Variants in GPN1 observed in about 807,000 individuals in gnomAD.
GPN1 encodes the protein GPN-loop GTPase 1, also known as ATP(GTP)-binding protein.
Under a neutral mutation model 55.9 loss-of-function variants are expected in GPN1, and 44 were observed. The observed-to-expected ratio is 0.79, with a 90% CI of 0.62 to 1.01. The LOEUF (loss-of-function observed/expected upper bound fraction) is 1.01, where lower values mean the gene tolerates loss of function less well. Ranked by LOEUF, GPN1 falls within the 50% of genes least tolerant of loss-of-function variation. GPN1 has a pLI of 0.00. For missense variants in GPN1, 466 were observed against 462.8 expected (o/e 1.01, Z -0.06); for synonymous variants, 179 against 162.5 (o/e 1.10, Z -0.77).
intron 1 of GPN1, chr2:27,629,453 A>T: frequency 1.3e-6 from 2 of 1,506,388 alleles, no homozygotes. Flanking sequence ...GCAAGTTACA[A>T]GTAACTTTAA....
chr2:27,636,215 C>A (rs1361092836), intron 7 of GPN1, among the ~76,000 whole-genome samples: 4 of 151,914 alleles, frequency 2.6e-5, no homozygotes, highest in Non-Finnish European at 5.9e-5. Flanking sequence ...GACCCTGTCT[C>A]AAAAAAATAA....
intron 11 of GPN1, 96 bp downstream of exon 11, chr2:27,641,375 T>A: frequency 1.2e-6 from 1 of 843,122 alleles, no homozygotes; most frequent in Non-Finnish European, 1.9e-6. Context: ...GTTATTAATG[T>A]ATCTTTTATT....
chr2:27,629,361 C>T lies in GPN1; in HGVS notation c.111+192C>T, dbSNP rs1419720777. On this transcript the variant is annotated intron_variant, in intron 1 of 13. Coordinates refer to ENST00000610189, the MANE Select transcript of GPN1 (RefSeq NM_007266.4). ...TAGCCAGGTTAATTAAGGCTCTCTT[C>T]TGCGCACCTTCAGGGCATACTCGGT... 5 of 1,547,244 alleles carry T rather than the reference C, an allele frequency of 3.2e-6. No individual in the cohort carries two copies. The South Asian group carries it at 5.9e-5, about 18-fold the overall frequency.
intron 6 of GPN1, 94 bp from the exon 7 acceptor site, chr2:27,635,046 A>G: frequency 3.1e-6 from 3 of 968,296 alleles, no homozygotes; most frequent in South Asian, 1.3e-5. Flanking sequence ...CACCCTGCCT[A>G]AAGTGGTTTT....
intron 9 of GPN1, 49 bp from the exon 10 acceptor site, chr2:27,639,994 A>G: frequency 8.4e-7 from 1 of 1,193,892 alleles, no homozygotes; most frequent in Non-Finnish European, 1.2e-6. Context: ...TACTTCATTA[A>G]AAAATATACA....
At chr2:27,638,405 T>C (rs1301586438) in intron 8 of GPN1, 150 bp downstream of exon 8, 1 of 592,912 alleles carries the variant, frequency 1.7e-6, no homozygotes, top group Non-Finnish European at 3.0e-6. Context: ...AGAAAATGAA[T>C]CAATCAAATT....
intron 2 of GPN1, 123 bp from the exon 3 acceptor site, chr2:27,630,902 AGT>A (rs2148062789): frequency 2.9e-6 from 2 of 691,434 alleles, no homozygotes; most frequent in African/African-American, 1.8e-5. Flanking sequence ...GAAGGAAACC[AGT>A]GTGAAAGTGG....
chr2:27,629,387 C>T (rs1673440239), intron 1 of GPN1: 2 of 1,550,980 alleles, frequency 1.3e-6, no homozygotes, highest in African/African-American at 2.7e-5. Flanking sequence ...CATACTCGGT[C>T]CAGCTTACCA....
At chr2:27,628,626 C>A (rs1439934464), upstream of GPN1, 4 of 1,551,454 alleles carry the variant, frequency 2.6e-6, no homozygotes, top group Non-Finnish European at 3.5e-6. Context: ...CAGCCCTGAA[C>A]TGTTTAACCG....
intron 12 of GPN1, among the ~76,000 whole-genome samples, chr2:27,642,950 T>TACAC (rs1375069534): frequency 2.4e-4 from 9 of 37,584 alleles, no homozygotes; most frequent in Admixed American, 4.4e-4. Context: ...GTTTTATATA[T>TACAC]ATATATATAC....
Position 27,638,219 on chromosome 2 carries a change from C to A in GPN1, c.534C>A (p.Tyr178Ter). 2 of 1,564,082 alleles carry A rather than the reference C, an allele frequency of 1.3e-6. No homozygotes were observed. The highest frequency in any genetic ancestry group is 1.8e-6 in the Non-Finnish European group (2 of 1,134,658). ...SNMLYACSIL[Y>*]KTKLPFIVVM... is the part of the protein sequence containing the mutation. ...AATGTTTGGTTTTCAGCATCTTATA[C>A]AAAACCAAGCTGCCTTTCATTGTGG... Residue 178 changes from tyrosine to a stop codon, truncating the protein, a stop_gained, in exon 8 of 14, where the codon TAC becomes TAA. Coordinates refer to ENST00000610189, the MANE Select transcript of GPN1 (RefSeq NM_007266.4). LOFTEE classifies it high-confidence loss of function.
chr2:27,643,969 A>G lies in GPN1; in HGVS notation c.931+1450A>G, dbSNP rs1674089504. Reference sequence around the variant, plus strand: ...CGAGGCGGGTGGATCACTTGAGGTCAGGAATTCGAGACCAGCCTGGCCAAC... The same window carrying G: ...CGAGGCGGGTGGATCACTTGAGGTCGGGAATTCGAGACCAGCCTGGCCAAC... On this transcript the variant is annotated intron_variant, in intron 12 of 13. Coordinates refer to ENST00000610189, the MANE Select transcript of GPN1 (RefSeq NM_007266.4). This position sits in a 1 kb window ranked among gnomAD's most constrained non-coding sequence, Gnocchi z 4.0. Among the ~76,000 whole-genome samples the G allele has an allele frequency of 6.6e-6, 1 of 152,312 alleles. No individual in the cohort carries two copies. The highest frequency in any genetic ancestry group is 2.1e-4 in the South Asian group (1 of 4,826).
At chr2:27,648,376 G>A (rs1318727724) in intron 13 of GPN1, among the ~76,000 whole-genome samples, 1 of 152,010 alleles carries the variant, frequency 6.6e-6, no homozygotes, top group African/African-American at 2.4e-5. Flanking sequence ...AAAAATAGCT[G>A]GGCATGGTTA....
rs920204644 is a variant in GPN1 at position 27,629,101 on chromosome 2, G to A, written c.43G>A (p.Gly15Ser). Residue 15 changes from glycine (G) to serine (S), a missense_variant, in exon 1 of 14, where the codon GGT (glycine) becomes AGT (serine). Gly to Ser is a moderately conservative substitution (Grantham distance 56). Coordinates refer to ENST00000610189, the MANE Select transcript of GPN1 (RefSeq NM_007266.4). ...AAAAELQASG[G>S]PRHPVCLLVL... Reference sequence around the variant, plus strand: ...TGCCGCTGAGCTCCAGGCTTCTGGGGGTCCGCGGCACCCAGTGTGTCTGTT... The same window carrying A: ...TGCCGCTGAGCTCCAGGCTTCTGGGAGTCCGCGGCACCCAGTGTGTCTGTT... 2 of 1,614,250 alleles carry A rather than the reference G, an allele frequency of 1.2e-6. No individual in the cohort carries two copies. Among genetic ancestry groups the A allele is most frequent in the Middle Eastern group, 1.6e-4 (1 of 6,062 alleles).
chr2:27,630,229 G>A (rs905963948), intron 2 of GPN1, among the ~76,000 whole-genome samples: 8 of 152,114 alleles, frequency 5.3e-5, no homozygotes, highest in Non-Finnish European at 1.5e-5. Flanking sequence ...AGAGGTTGCA[G>A]TGAGCCAAGA....
intron 1 of GPN1, 166 bp downstream of exon 1, chr2:27,629,335 C>T (rs1216124941): frequency 1.3e-6 from 2 of 1,520,078 alleles, no homozygotes; most frequent in Admixed American, 3.9e-5. Context: ...TCCTCGGGCC[C>T]TAGCCAGGTT....
At chr2:27,644,275 C>T (rs1426316885) in intron 12 of GPN1, among the ~76,000 whole-genome samples, 1 of 152,002 alleles carries the variant, frequency 6.6e-6, no homozygotes, top group Non-Finnish European at 1.5e-5. Context: ...CTATAAATAT[C>T]CTTTTAGTTT....
chr2:27,642,958 T>TATACAC (rs10643705), intron 12 of GPN1, among the ~76,000 whole-genome samples: 4,668 of 122,600 alleles, frequency 0.038, 100 homozygotes, highest in Middle Eastern at 0.088. Context: ...TATATATATA[T>TATACAC]ACACACACAC....
chr2:27,647,140 G>C (rs1400593206), intron 12 of GPN1, among the ~76,000 whole-genome samples: 1 of 152,158 alleles, frequency 6.6e-6, no homozygotes, highest in African/African-American at 2.4e-5. Context: ...TGAGATTTGT[G>C]CCAGTTGATG....
Sources: gnomAD v4.1 joint callset for allele counts (sites outside exome capture counted in the v4.1 genomes callset) on GRCh38, gnomAD v4.1.1 for gene constraint, Gnocchi (gnomAD v3.1) non-coding constraint, MANE v1.5 for transcripts, NCBI Gene and HGNC (gene_info 2026-07-23, HGNC 2026-07-21) for gene names.